PRKCH: variants seen among roughly 807,000 people sequenced by gnomAD.
The protein encoded by PRKCH is protein kinase C eta, also known as protein kinase C eta type.
A neutral mutation model predicts 82.5 loss-of-function variants in PRKCH; 28 were observed. The ratio of observed to expected loss-of-function variants is 0.34; its 90% confidence interval spans 0.25 to 0.47. PRKCH has a LOEUF of 0.47. Ranked by LOEUF, PRKCH falls within the 20% of genes least tolerant of loss-of-function variation. The pLI is 1.00. For synonymous variants in PRKCH, 322 were observed against 327.4 expected (o/e 0.98, Z 0.18); for missense variants, 705 against 881.8 (o/e 0.80, Z 2.54).
chr14:61,294,127 ATT>A (rs531977419), intron 1 of PRKCH, among the ~76,000 whole-genome samples: 2 of 146,796 alleles, frequency 1.4e-5, no homozygotes, highest in South Asian at 2.2e-4. Flanking sequence ...TTTTATTTTT[ATT>A]TTTTTTTTTG....
At chr14:61,547,963 T>C in intron 13 of PRKCH, 77 bp downstream of exon 13, 2 of 1,556,108 alleles carry the variant, frequency 1.3e-6, no homozygotes, top group Non-Finnish European at 1.7e-6. Context: ...GTAGAAGAGC[T>C]GGATGGCCCC....
chr14:61,285,678 A>C (rs1053098030), intron 1 of PRKCH, among the ~76,000 whole-genome samples: 5 of 152,198 alleles, frequency 3.3e-5, no homozygotes, highest in Non-Finnish European at 4.4e-5. Context: ...CATTCAGTCC[A>C]ATTATACTCA....
At chr14:61,475,424 A>G (rs1383945160) in intron 9 of PRKCH, among the ~76,000 whole-genome samples, 1 of 152,236 alleles carries the variant, frequency 6.6e-6, no homozygotes, top group Non-Finnish European at 1.5e-5. Context: ...CTTCTCGACC[A>G]CTAGGGGGTG....
At chr14:61,541,173 C>T (rs574113661) in intron 12 of PRKCH, among the ~76,000 whole-genome samples, 1 of 152,374 alleles carries the variant, frequency 6.6e-6, no homozygotes, top group South Asian at 2.1e-4. Context: ...CCAGATCTCC[C>T]CAACAGCTGG....
chr14:61,280,772 C>T lies in PRKCH; in HGVS notation c.-19+93104C>T. ...CTCAGCTGCGCGTCGTCGCGGGACACGCCGTAGCGCCGGTTGTTCTGGTAG... is the reference window on the plus strand; with the variant it reads ...CTCAGCTGCGCGTCGTCGCGGGACATGCCGTAGCGCCGGTTGTTCTGGTAG... On this transcript the variant is annotated intron_variant, in intron 1 of 3. Transcript: ENST00000555185. The surrounding 1 kb of genome is among the most constrained non-coding windows in gnomAD (Gnocchi z 5.0). 1 of 1,552,878 alleles carries T rather than the reference C, an allele frequency of 6.4e-7. No individual in the cohort carries two copies.
At chr14:61,211,355 C>G (rs2044578775) in intron 1 of PRKCH, among the ~76,000 whole-genome samples, 1 of 152,356 alleles carries the variant, frequency 6.6e-6, no homozygotes, top group East Asian at 1.9e-4. Context: ...CCACAAACTT[C>G]TCTCGTGACC....
At chr14:61,188,611 GGTGTGTGT>G (rs1170634010) in intron 1 of PRKCH, among the ~76,000 whole-genome samples, 1,202 of 50,136 alleles carry the variant, frequency 0.024, 89 homozygotes, top group Middle Eastern at 0.033. Flanking sequence ...GGGGTGGTGT[GGTGTGTGT>G]GTGTGTGTGT....
chr14:61,296,845 T>C (rs928036541), intron 1 of PRKCH, among the ~76,000 whole-genome samples: 6 of 152,236 alleles, frequency 3.9e-5, no homozygotes, highest in African/African-American at 1.4e-4. Flanking sequence ...AGTAGAAAGT[T>C]GTAAAGTGCA....
intron 4 of PRKCH, among the ~76,000 whole-genome samples, chr14:61,446,074 A>T (rs1335337846): frequency 6.6e-6 from 1 of 152,178 alleles, no homozygotes; most frequent in African/African-American, 2.4e-5. Flanking sequence ...CCTATTGATA[A>T]TAGATAGGGA....
chr14:61,303,915 A>G (rs1042827255), intron 1 of PRKCH: 1 of 151,400 alleles, frequency 6.6e-6, no homozygotes, highest in Non-Finnish European at 1.5e-5. Context: ...AAAATGTTCT[A>G]TGTCTTTCCA....
At chr14:61,339,954 G>A (rs1400901588) in intron 1 of PRKCH, among the ~76,000 whole-genome samples, 1 of 151,908 alleles carries the variant, frequency 6.6e-6, no homozygotes, top group Non-Finnish European at 1.5e-5. Context: ...CAAAGTGCTG[G>A]GATTATAGGA....
intron 10 of PRKCH, among the ~76,000 whole-genome samples, chr14:61,513,174 C>T (rs897798140): frequency 6.6e-6 from 1 of 152,098 alleles, no homozygotes; most frequent in Admixed American, 6.5e-5. Context: ...CCACCACGCG[C>T]AGAACTTTAC....
chr14:61,236,710 C>CAAAAAAAAAAAAA (rs35185475), intron 1 of PRKCH, among the ~76,000 whole-genome samples: 10 of 87,618 alleles, frequency 1.1e-4, no homozygotes, highest in Admixed American at 3.0e-4. Flanking sequence ...TGTCTCAAAA[C>CAAAAAAAAAAAAA]AAAAAAAAAA....
At chr14:61,413,509 C>G (rs1415093556) in intron 2 of PRKCH, among the ~76,000 whole-genome samples, 2 of 149,050 alleles carry the variant, frequency 1.3e-5, no homozygotes, top group Non-Finnish European at 3.0e-5. Flanking sequence ...CTTCCCTCAA[C>G]TACACTGACT....
chr14:61,386,975 G>A (rs1312977437), intron 1 of PRKCH, among the ~76,000 whole-genome samples: 1 of 152,190 alleles, frequency 6.6e-6, no homozygotes, highest in Non-Finnish European at 1.5e-5. Flanking sequence ...CTTGATCTAA[G>A]GGTTTAAATG....
chr14:61,479,796 G>C (rs1408157849), intron 9 of PRKCH, among the ~76,000 whole-genome samples: 1 of 152,150 alleles, frequency 6.6e-6, no homozygotes, highest in African/African-American at 2.4e-5. Flanking sequence ...CAGGTCAGTG[G>C]CATCAGAGCA....
chr14:61,442,777 A>T (rs2140276486), intron 2 of PRKCH: 1 of 160,708 alleles, frequency 6.2e-6, no homozygotes, highest in Non-Finnish European at 1.4e-5. Context: ...ATTAAAAAAA[A>T]ATTATTTTTA....
chr14:61,316,209 G>A (rs1350651339), intron 1 of PRKCH, among the ~76,000 whole-genome samples: 12 of 152,144 alleles, frequency 7.9e-5, no homozygotes, highest in Non-Finnish European at 1.8e-4. Context: ...GATGTACACT[G>A]TCAAACTGCC....
At chr14:61,245,166 C>T (rs2044869211) in intron 1 of PRKCH, among the ~76,000 whole-genome samples, 1 of 152,100 alleles carries the variant, frequency 6.6e-6, no homozygotes, top group South Asian at 2.1e-4. Flanking sequence ...CAGATTGGAG[C>T]TTGCAAATCA....
Sources: gnomAD v4.1 joint callset for allele counts (sites outside exome capture counted in the v4.1 genomes callset) on GRCh38, gnomAD v4.1.1 for gene constraint, Gnocchi (gnomAD v3.1) non-coding constraint, MANE v1.5 for transcripts, NCBI Gene and HGNC (gene_info 2026-07-23, HGNC 2026-07-21) for gene names.